Variants in GPC6 observed in about 807,000 individuals in gnomAD.
GPC6 encodes glypican 6, also known as glypican-6.
A neutral mutation model predicts 55.2 loss-of-function variants in GPC6; 14 were observed. The ratio of observed to expected loss-of-function variants is 0.25; its 90% CI spans 0.17 to 0.40. The LOEUF is 0.40. Ranked by LOEUF, GPC6 falls within the 10% of genes least tolerant of loss-of-function variation. The probability of loss-of-function intolerance (pLI) is 1.00; values close to 1 mark genes in which losing one functional copy is unlikely to be tolerated. For missense variants in GPC6, 641 were observed against 708.5 expected, an observed-to-expected ratio of 0.90 and a Z score of 1.08; for synonymous variants, 278 against 259.6, an observed-to-expected ratio of 1.07 and a Z score of -0.68.
chr13:93,910,007 G>A (rs990789141), intron 3 of GPC6, among the ~76,000 whole-genome samples: 2 of 151,984 alleles, frequency 1.3e-5, no homozygotes, highest in African/African-American at 4.8e-5. Context: ...AGTTTTGAGA[G>A]GAATTCAGGG....
intron 6 of GPC6, among the ~76,000 whole-genome samples, chr13:94,368,084 G>T (rs1594211710): frequency 6.6e-6 from 1 of 150,938 alleles, no homozygotes; most frequent in Non-Finnish European, 1.5e-5. Context: ...AGGAGGCGGG[G>T]GTTGCAGTGA....
At chr13:93,398,868 G>C (rs1001125452) in intron 1 of GPC6, among the ~76,000 whole-genome samples, 1 of 152,154 alleles carries the variant, frequency 6.6e-6, no homozygotes, top group Admixed American at 6.5e-5. Flanking sequence ...CTATGTATTA[G>C]ACAATTGTCT....
chr13:93,679,328 C>A (rs955347122), intron 2 of GPC6, among the ~76,000 whole-genome samples: 1 of 152,052 alleles, frequency 6.6e-6, no homozygotes, highest in Non-Finnish European at 1.5e-5. Flanking sequence ...GAAATGACAG[C>A]TAGTAGACCA....
In GPC6 at chr13:93,593,641, T is replaced by C. The variant is rs1877588735; in HGVS notation, c.319+48220T>C. Among the ~76,000 whole-genome samples the C allele has an allele frequency of 2.0e-5, 3 of 152,156 alleles. No homozygotes were observed. The South Asian group carries it at 6.2e-4, about 31-fold the overall frequency. ...CTGGAAACATTGAGCTATATTCTGC[T>C]AGGTAAAAATATCCAATTATTCATT... On this transcript the variant is annotated intron_variant, in intron 2 of 8. Transcript: ENST00000377047.
At chr13:94,332,569 G>A in intron 6 of GPC6, among the ~76,000 whole-genome samples, 1 of 152,182 alleles carries the variant, frequency 6.6e-6, no homozygotes, top group East Asian at 1.9e-4. Context: ...TCAGCCGTTG[G>A]TCTCTGGCAT....
At chr13:93,793,020 T>C (rs1886094394) in intron 2 of GPC6, among the ~76,000 whole-genome samples, 1 of 152,168 alleles carries the variant, frequency 6.6e-6, no homozygotes, top group South Asian at 2.1e-4. Context: ...TTGGCAAGAC[T>C]GTTGCAAGAA....
chr13:94,312,832 T>G (rs749915953), intron 6 of GPC6, among the ~76,000 whole-genome samples: 3 of 152,202 alleles, frequency 2.0e-5, no homozygotes, highest in Non-Finnish European at 4.4e-5. Context: ...TTAATTAGTT[T>G]TCTAAAGATA....
intron 3 of GPC6, among the ~76,000 whole-genome samples, chr13:93,970,941 G>C (rs910157389): frequency 2.0e-5 from 3 of 152,174 alleles, no homozygotes; most frequent in Admixed American, 2.0e-4. Context: ...ACAAGGACTT[G>C]CATTTTGATA....
intron 2 of GPC6, among the ~76,000 whole-genome samples, chr13:93,751,959 G>A (rs1197173469): frequency 6.6e-6 from 1 of 152,000 alleles, no homozygotes; most frequent in Admixed American, 6.6e-5. Flanking sequence ...GGCTTGACAT[G>A]CCCTTTAATA....
chr13:94,036,844 A>G (rs1344369007), intron 4 of GPC6, among the ~76,000 whole-genome samples: 1 of 151,946 alleles, frequency 6.6e-6, no homozygotes. Context: ...TGACTTCAGG[A>G]GGAGGGTATT....
chr13:93,363,966 A>G (rs1414149462), intron 1 of GPC6, among the ~76,000 whole-genome samples: 4 of 151,716 alleles, frequency 2.6e-5, no homozygotes, highest in South Asian at 2.1e-4. Flanking sequence ...TCCTTCACCC[A>G]CTTTTTGATG....
chr13:94,030,818 A>G (rs1375032668), intron 4 of GPC6, among the ~76,000 whole-genome samples: 3 of 152,216 alleles, frequency 2.0e-5, no homozygotes, highest in Non-Finnish European at 4.4e-5. Context: ...TCGACCGTCA[A>G]TAAAAACAAG....
intron 2 of GPC6, among the ~76,000 whole-genome samples, chr13:93,616,117 C>T (rs1401156990): frequency 6.6e-6 from 1 of 152,034 alleles, no homozygotes; most frequent in Non-Finnish European, 1.5e-5. Flanking sequence ...GTCCTACTTT[C>T]ACTGTTTGGG....
intron 7 of GPC6, among the ~76,000 whole-genome samples, chr13:94,396,428 T>C (rs974668448): frequency 6.6e-6 from 1 of 152,230 alleles, no homozygotes; most frequent in African/African-American, 2.4e-5. Flanking sequence ...TTTTGGTGGA[T>C]GGTGCCCTGC....
chr13:93,436,583 G>C (rs973378200), intron 1 of GPC6, among the ~76,000 whole-genome samples: 21 of 152,016 alleles, frequency 1.4e-4, no homozygotes, highest in African/African-American at 5.1e-4. Flanking sequence ...TCACACTTCT[G>C]CTTGCCCATT....
intron 2 of GPC6, among the ~76,000 whole-genome samples, chr13:93,827,824 G>C (rs971750789): frequency 2.0e-5 from 3 of 152,070 alleles, no homozygotes; most frequent in East Asian, 1.9e-4. Flanking sequence ...GGGCAGTCTT[G>C]TTTGAACCAT....
chr13:93,801,202 T>C (rs1032074407), intron 2 of GPC6, among the ~76,000 whole-genome samples: 2 of 152,238 alleles, frequency 1.3e-5, no homozygotes, highest in Non-Finnish European at 2.9e-5. Context: ...TTGTTCTATA[T>C]TGTCTCCAGG....
intron 2 of GPC6, among the ~76,000 whole-genome samples, chr13:93,655,003 ATTTT>A (rs3884231): frequency 9.9e-4 from 104 of 104,736 alleles, no homozygotes; most frequent in African/African-American, 1.7e-3. Context: ...TGCCCGGCTA[ATTTT>A]TTTTTTTTTT....
At chr13:93,859,741 G>A (rs1475704209) in intron 3 of GPC6, among the ~76,000 whole-genome samples, 1 of 151,534 alleles carries the variant, frequency 6.6e-6, no homozygotes, top group Non-Finnish European at 1.5e-5. Flanking sequence ...AGCTACATTG[G>A]GAACTGTAGA....
Sources: allele counts gnomAD v4.1 joint callset (sites outside exome capture counted in the v4.1 genomes callset), GRCh38; gene constraint gnomAD v4.1.1; transcripts MANE v1.5; gene names NCBI Gene and HGNC (gene_info 2026-07-23, HGNC 2026-07-21).